Variants in MDGA2 observed in about 807,000 individuals in gnomAD.
MDGA2 encodes the protein MAM domain containing glycosylphosphatidylinositol anchor 2.
In MDGA2, 40 loss-of-function variants were observed where a neutral mutation model predicts 117.8. The observed-to-expected ratio is 0.34, with a 90% confidence interval of 0.26 to 0.44. The LOEUF (loss-of-function observed/expected upper bound fraction) is 0.44. Among genes scored for constraint, MDGA2 ranks in the 20% least tolerant of loss-of-function variants. The pLI, the probability that MDGA2 is intolerant of heterozygous loss-of-function variation, is 1.00. For missense variants in MDGA2, 1,123 were observed against 1,250.6 expected (o/e 0.90, Z 1.54); for synonymous variants, 452 against 439.0 (o/e 1.03, Z -0.37).
At chr14:47,048,303 A>G (rs1889335192) in intron 7 of MDGA2, among the ~76,000 whole-genome samples, 1 of 152,122 alleles carries the variant, frequency 6.6e-6, no homozygotes, top group Non-Finnish European at 1.5e-5. Flanking sequence ...AAAGGAAGAT[A>G]AGCCATAAAT....
chr14:47,603,915 C>G (rs1467915925), intron 1 of MDGA2, among the ~76,000 whole-genome samples: 1 of 152,148 alleles, frequency 6.6e-6, no homozygotes, highest in Non-Finnish European at 1.5e-5. Flanking sequence ...TGCTCTCTTT[C>G]TTGCTCCTGC....
intron 8 of MDGA2, among the ~76,000 whole-genome samples, chr14:47,032,352 C>T (rs188191512): frequency 1.1e-4 from 17 of 151,990 alleles, no homozygotes; most frequent in Non-Finnish European, 1.6e-4. Context: ...TTTGGGAGGC[C>T]GAGGCAGGAA....
chr14:47,556,017 T>C (rs967188159), intron 1 of MDGA2, among the ~76,000 whole-genome samples: 2 of 152,212 alleles, frequency 1.3e-5, no homozygotes, highest in Admixed American at 1.3e-4. Flanking sequence ...TTAGGGCCTA[T>C]CTTGAGCTAG....
chr14:46,992,381 A>G (rs888052171), intron 8 of MDGA2, among the ~76,000 whole-genome samples: 1 of 152,098 alleles, frequency 6.6e-6, no homozygotes, highest in African/African-American at 2.4e-5. Context: ...AGGACTATTC[A>G]CCATTCAAGT....
chr14:46,914,953 T>G (rs1883844650), intron 10 of MDGA2, among the ~76,000 whole-genome samples: 1 of 152,132 alleles, frequency 6.6e-6, no homozygotes, highest in Non-Finnish European at 1.5e-5. Context: ...TGAATAAAAT[T>G]TGGCCTTCTA....
intron 8 of MDGA2, among the ~76,000 whole-genome samples, chr14:47,000,421 A>ATT (rs1887485814): frequency 1.5e-5 from 2 of 135,276 alleles, no homozygotes; most frequent in Admixed American, 7.8e-5. Flanking sequence ...ATATATATAC[A>ATT]CATATAAATA....
intron 1 of MDGA2, among the ~76,000 whole-genome samples, chr14:47,665,880 G>A: frequency 7.0e-6 from 1 of 141,984 alleles, no homozygotes; most frequent in Non-Finnish European, 1.5e-5. Context: ...CAGCCTCCCT[G>A]AGGAGCGCGG....
At chr14:47,396,895 T>C (rs990291807) in intron 1 of MDGA2, among the ~76,000 whole-genome samples, 13 of 152,168 alleles carry the variant, frequency 8.5e-5, no homozygotes, top group African/African-American at 3.1e-4. Context: ...GAGTGTTAAT[T>C]AGTTCAACCA....
intron 1 of MDGA2, among the ~76,000 whole-genome samples, chr14:47,489,599 T>C (rs958646300): frequency 2.0e-5 from 3 of 152,096 alleles, no homozygotes; most frequent in Non-Finnish European, 2.9e-5. Flanking sequence ...AAATGGACTA[T>C]ATAAAATTTG....
rs778890226 is a variant in MDGA2, at chr14:46,882,026, A to T, written c.2416+18T>A. Reference sequence around the variant, plus strand: ...GTTAAATATATAAATAAATAATTTTAAATGAAAGGCTACTTACCACTATAT... The same window carrying T: ...GTTAAATATATAAATAAATAATTTTTAATGAAAGGCTACTTACCACTATAT... On this transcript the variant is annotated intron_variant, in intron 11 of 16. Transcript: ENST00000399232. 1.4e-6 allele frequency: 2 copies of T among 1,470,110 alleles called. No homozygotes were observed. Among genetic ancestry groups the T allele is most frequent in the Admixed American group, 4.6e-5 (2 of 43,586 alleles). The allele number at this position is 1,470,110 out of a possible 1,614,324, so 91.1% of individuals were successfully genotyped here.
chr14:47,620,639 C>T (rs2138926174), intron 1 of MDGA2, among the ~76,000 whole-genome samples: 1 of 152,254 alleles, frequency 6.6e-6, no homozygotes, highest in East Asian at 1.9e-4. Flanking sequence ...TTAGCTTATA[C>T]ACTGCCCTTC....
chr14:47,054,058 T>C (rs907961628), intron 7 of MDGA2, among the ~76,000 whole-genome samples: 1 of 151,932 alleles, frequency 6.6e-6, no homozygotes, highest in Non-Finnish European at 1.5e-5. Context: ...AGAACATTGG[T>C]CATTGACTTA....
chr14:47,519,172 T>C (rs1218757633), intron 1 of MDGA2, among the ~76,000 whole-genome samples: 1 of 152,242 alleles, frequency 6.6e-6, no homozygotes, highest in East Asian at 1.9e-4. Context: ...ACCATTTTAC[T>C]CCAGCTTGGG....
intron 1 of MDGA2, among the ~76,000 whole-genome samples, chr14:47,490,451 G>A (rs1894145622): frequency 6.6e-6 from 1 of 152,040 alleles, no homozygotes; most frequent in Non-Finnish European, 1.5e-5. Context: ...TCAATAACTA[G>A]TGACTAACAG....
chr14:47,031,578 T>C (rs1365488301), intron 8 of MDGA2, among the ~76,000 whole-genome samples: 3 of 152,028 alleles, frequency 2.0e-5, no homozygotes, highest in Admixed American at 1.3e-4. Context: ...ACTTAAGTAA[T>C]AAAAAAACAG....
intron 1 of MDGA2, among the ~76,000 whole-genome samples, chr14:47,362,396 TATC>T (rs2138373413): frequency 6.6e-6 from 1 of 152,306 alleles, no homozygotes; most frequent in South Asian, 2.1e-4. Flanking sequence ...TTAATTGGGT[TATC>T]ATTTATATAA....
intron 2 of MDGA2, among the ~76,000 whole-genome samples, chr14:47,247,941 A>G (rs1475549319): frequency 6.6e-6 from 1 of 151,362 alleles, no homozygotes; most frequent in Non-Finnish European, 1.5e-5. Flanking sequence ...GATGGTTTCC[A>G]GCTTCATTCA....
chr14:47,183,644 T>C (rs1049918787), intron 3 of MDGA2, among the ~76,000 whole-genome samples: 5 of 152,168 alleles, frequency 3.3e-5, no homozygotes, highest in Non-Finnish European at 5.9e-5. Context: ...GCATATTTAT[T>C]GATCACTTAC....
intron 1 of MDGA2, among the ~76,000 whole-genome samples, chr14:47,483,435 G>A (rs761800053): frequency 4.6e-5 from 7 of 151,762 alleles, no homozygotes; most frequent in South Asian, 2.1e-4. Context: ...ATTTCTTTTC[G>A]TTCGTCCTGT....
Sources: allele counts gnomAD v4.1 joint callset (sites outside exome capture counted in the v4.1 genomes callset), GRCh38; gene constraint gnomAD v4.1.1; transcripts MANE v1.5; gene names NCBI Gene and HGNC (gene_info 2026-07-23, HGNC 2026-07-21).